Variants in WDFY2 observed in about 807,000 individuals in gnomAD.
WDFY2 encodes WD repeat and FYVE domain containing 2.
A neutral mutation model predicts 56.4 loss-of-function variants in WDFY2; 36 were observed. That is an observed-to-expected ratio of 0.64 (90% CI 0.49 to 0.84). WDFY2 has a LOEUF of 0.84. Among genes scored for constraint, WDFY2 ranks in the 40% least tolerant of loss-of-function variants. The pLI, the probability that WDFY2 is intolerant of heterozygous loss-of-function variation, is 0.00. For synonymous variants in WDFY2, 176 were observed against 183.7 expected (o/e 0.96, Z 0.34); for missense variants, 444 against 512.2 (o/e 0.87, Z 1.29).
intron 4 of WDFY2, among the ~76,000 whole-genome samples, chr13:51,705,850 A>G (rs1160280877): frequency 6.6e-6 from 1 of 152,154 alleles, no homozygotes; most frequent in Non-Finnish European, 1.5e-5. Context: ...GCTGGACTTT[A>G]CATCCTGTTA....
chr13:51,626,190 A>C (rs903920349), intron 1 of WDFY2, among the ~76,000 whole-genome samples: 7 of 152,252 alleles, frequency 4.6e-5, no homozygotes, highest in Admixed American at 4.6e-4. Flanking sequence ...TTCTTCAACA[A>C]TAAGACCTGG....
chr13:51,604,702 T>C (rs960971090), intron 1 of WDFY2, among the ~76,000 whole-genome samples: 1 of 152,222 alleles, frequency 6.6e-6, no homozygotes, highest in Non-Finnish European at 1.5e-5. Flanking sequence ...ATGTGGCTAA[T>C]GGCTACCATA....
At chr13:51,594,608 C>G (rs1954110551) in intron 1 of WDFY2, among the ~76,000 whole-genome samples, 1 of 152,174 alleles carries the variant, frequency 6.6e-6, no homozygotes, top group Non-Finnish European at 1.5e-5. Context: ...ATGAGTTTTT[C>G]TTGATTGCTT....
chr13:51,698,980 G>A (rs1002696739), intron 3 of WDFY2, among the ~76,000 whole-genome samples: 1 of 152,254 alleles, frequency 6.6e-6, no homozygotes, highest in Admixed American at 6.5e-5. Context: ...TAGACAAAAA[G>A]AACCAAAGGA....
chr13:51,626,353 T>C (rs1472599289), intron 1 of WDFY2, among the ~76,000 whole-genome samples: 3 of 152,244 alleles, frequency 2.0e-5, no homozygotes, highest in Non-Finnish European at 4.4e-5. Flanking sequence ...CTCCATTCCC[T>C]TCTCTGTAAA....
chr13:51,594,856 GTTTGT>G (rs1954116283), intron 1 of WDFY2, among the ~76,000 whole-genome samples: 1 of 152,204 alleles, frequency 6.6e-6, no homozygotes, highest in Admixed American at 6.5e-5. Context: ...CTCAGTGAAA[GTTTGT>G]TTTATTTTTT....
intron 4 of WDFY2, among the ~76,000 whole-genome samples, chr13:51,708,875 T>C (rs1271518231): frequency 6.6e-6 from 1 of 152,148 alleles, no homozygotes; most frequent in Non-Finnish European, 1.5e-5. Context: ...TTTTTAAATA[T>C]ATCAAAGTAG....
At chr13:51,747,415 C>G (rs1307579104) in intron 7 of WDFY2, among the ~76,000 whole-genome samples, 1 of 152,228 alleles carries the variant, frequency 6.6e-6, no homozygotes, top group Non-Finnish European at 1.5e-5. Context: ...AAATGTTTTA[C>G]CTACTGACTT....
intron 1 of WDFY2, among the ~76,000 whole-genome samples, chr13:51,610,477 G>A (rs530253692): frequency 6.6e-6 from 1 of 152,086 alleles, no homozygotes; most frequent in South Asian, 2.1e-4. Flanking sequence ...TAGTACCCAG[G>A]TGATGAATAT....
intron 1 of WDFY2, among the ~76,000 whole-genome samples, chr13:51,654,366 C>T (rs1955466565): frequency 6.6e-6 from 1 of 152,178 alleles, no homozygotes; most frequent in African/African-American, 2.4e-5. Context: ...GAGGTGATGC[C>T]TTGCCCTGCT....
At chr13:51,759,152 G>C (rs1240491473) in intron 11 of WDFY2, among the ~76,000 whole-genome samples, 3 of 152,198 alleles carry the variant, frequency 2.0e-5, no homozygotes, top group African/African-American at 4.8e-5. Context: ...CTGTACTCCA[G>C]CCTGGGTGAC....
chr13:51,741,179 C>G (rs922406295), intron 7 of WDFY2, among the ~76,000 whole-genome samples: 2 of 152,198 alleles, frequency 1.3e-5, no homozygotes, highest in Non-Finnish European at 2.9e-5. Flanking sequence ...GGAGTCCATG[C>G]TGATAGAATC....
chr13:51,747,989 C>T (rs1311429710), intron 7 of WDFY2, among the ~76,000 whole-genome samples: 3 of 152,154 alleles, frequency 2.0e-5, no homozygotes, highest in Non-Finnish European at 4.4e-5. Flanking sequence ...GTAAGACCTT[C>T]TTCTTCAAAG....
chr13:51,656,972 A>T (rs931452501), intron 1 of WDFY2, among the ~76,000 whole-genome samples: 1 of 152,062 alleles, frequency 6.6e-6, no homozygotes, highest in East Asian at 1.9e-4. Flanking sequence ...ATTTATATTT[A>T]AAGTGATTAC....
chr13:51,659,176 C>A (rs1955566356), intron 1 of WDFY2, among the ~76,000 whole-genome samples: 1 of 152,172 alleles, frequency 6.6e-6, no homozygotes, highest in Admixed American at 6.5e-5. Context: ...ATCTGCCCAC[C>A]TTGGCCTCCC....
At chr13:51,723,855 G>T (rs1952543959) in intron 5 of WDFY2, among the ~76,000 whole-genome samples, 1 of 152,098 alleles carries the variant, frequency 6.6e-6, no homozygotes, top group South Asian at 2.1e-4. Context: ...GTTGCTAAAT[G>T]GTGATTTTCT....
At position 51,762,754 on chromosome 13, in the gene WDFY2, T is replaced by A. The variant is rs1593491447; in HGVS notation, c.*2985T>A. Reference sequence around the variant, plus strand: ...GCACTTTACATATATTTTTGCTCTATTACTTAAACATATAGCAGCTTTTAC... The same window carrying A: ...GCACTTTACATATATTTTTGCTCTAATACTTAAACATATAGCAGCTTTTAC... On this transcript the variant is annotated 3_prime_UTR_variant, in exon 12 of 12. Transcript: ENST00000298125. 1 of 152,326 alleles carries A rather than the reference T, an allele frequency of 6.6e-6. No individual in the cohort carries two copies. Among genetic ancestry groups the A allele is most frequent in the East Asian group, 1.9e-4 (1 of 5,180 alleles). 9.4% of individuals were successfully genotyped at this position (152,326 alleles called of 1,614,324 possible). A position where few individuals can be genotyped will look rare whatever the true frequency, so the allele number is the denominator to read the frequency against.
intron 1 of WDFY2, among the ~76,000 whole-genome samples, chr13:51,649,192 G>T: frequency 6.6e-6 from 1 of 152,322 alleles, no homozygotes; most frequent in African/African-American, 2.4e-5. Flanking sequence ...TGAACTGCTT[G>T]AGACCGACTA....
intron 3 of WDFY2, among the ~76,000 whole-genome samples, chr13:51,689,563 G>C (rs188203518): frequency 1.4e-4 from 22 of 152,230 alleles, no homozygotes; most frequent in Admixed American, 1.4e-3. Context: ...AATGTGACAT[G>C]GGGTTTCCTT....
Sources: allele counts gnomAD v4.1 joint callset (sites outside exome capture counted in the v4.1 genomes callset), GRCh38; gene constraint gnomAD v4.1.1; transcripts MANE v1.5; gene names NCBI Gene and HGNC (gene_info 2026-07-23, HGNC 2026-07-21).